The following TBC1D1 variants were observed in gnomAD, a reference collection of about 807,000 sequenced individuals.
TBC1D1 encodes TBC1 (tre-2/USP6, BUB2, cdc16) domain family, member 1.
Under a neutral mutation model 125.6 loss-of-function variants are expected in TBC1D1, and 89 were observed. The ratio of observed to expected loss-of-function variants is 0.71; its 90% CI spans 0.60 to 0.85. TBC1D1 has a LOEUF of 0.85. TBC1D1 is among the 40% of genes least tolerant of loss of function. The pLI, the probability that TBC1D1 is intolerant of heterozygous loss-of-function variation, is 0.00. For synonymous variants in TBC1D1, 565 were observed against 564.1 expected (o/e 1.00, Z -0.02); for missense variants, 1,377 against 1,469.2 (o/e 0.94, Z 1.03).
intron 2 of TBC1D1, among the ~76,000 whole-genome samples, chr4:37,984,919 A>C (rs1404266127): frequency 6.6e-6 from 1 of 152,048 alleles, no homozygotes; most frequent in Non-Finnish European, 1.5e-5. Context: ...ACATCTGTAC[A>C]ACCTATAGGA....
chr4:37,960,835 G>C (rs199864421), intron 2 of TBC1D1: 4 of 1,614,098 alleles, frequency 2.5e-6, no homozygotes, highest in Non-Finnish European at 1.7e-6. Context: ...CCTGAAGAGC[G>C]CCAGATTGCA....
intron 12 of TBC1D1, among the ~76,000 whole-genome samples, chr4:38,071,270 C>T (rs925561386): frequency 6.6e-6 from 1 of 152,116 alleles, no homozygotes; most frequent in African/African-American, 2.4e-5. Context: ...GAAAGAGCCC[C>T]CAAGTGTCCA....
intron 1 of TBC1D1, 69 bp downstream of exon 1, chr4:37,891,417 C>T (rs10008243): frequency 0.086 from 13,044 of 152,388 alleles, 1,538 homozygotes; most frequent in East Asian, 0.45. Flanking sequence ...CGGCCGCCCC[C>T]TCCCGCAGCA....
chr4:37,957,836 C>T (rs572444434), intron 2 of TBC1D1, among the ~76,000 whole-genome samples: 11 of 152,126 alleles, frequency 7.2e-5, no homozygotes, highest in Admixed American at 4.6e-4. Flanking sequence ...CATTTTCCTC[C>T]CTCCCTTCTG....
intron 2 of TBC1D1, among the ~76,000 whole-genome samples, chr4:37,933,454 A>G (rs1024172450): frequency 1.3e-5 from 2 of 151,902 alleles, no homozygotes; most frequent in Non-Finnish European, 2.9e-5. Flanking sequence ...ACACACACAC[A>G]CACACACACA....
intron 2 of TBC1D1, among the ~76,000 whole-genome samples, chr4:37,918,512 A>G (rs1720199319): frequency 6.6e-6 from 1 of 151,750 alleles, no homozygotes; most frequent in African/African-American, 2.4e-5. Context: ...CAGTGGCACA[A>G]TCTCAGCTCA....
intron 2 of TBC1D1, among the ~76,000 whole-genome samples, chr4:38,004,534 T>C (rs1466776593): frequency 5.3e-5 from 8 of 152,226 alleles, no homozygotes; most frequent in African/African-American, 1.9e-4. Context: ...ACTTTCTTTT[T>C]GTACAGTGTT....
chr4:38,057,048 C>G (rs149252649), intron 12 of TBC1D1, among the ~76,000 whole-genome samples: 1 of 152,242 alleles, frequency 6.6e-6, no homozygotes, highest in African/African-American at 2.4e-5. Flanking sequence ...CCTCCTGTTC[C>G]TAGGCCGTAA....
At chr4:38,105,926 A>G (rs892642888) in intron 15 of TBC1D1, among the ~76,000 whole-genome samples, 1 of 151,984 alleles carries the variant, frequency 6.6e-6, no homozygotes, top group Non-Finnish European at 1.5e-5. Flanking sequence ...TTTTGGTAGG[A>G]TGATTTATTT....
At chr4:38,076,103 A>G (rs1755550455) in intron 12 of TBC1D1, among the ~76,000 whole-genome samples, 1 of 152,168 alleles carries the variant, frequency 6.6e-6, no homozygotes, top group Non-Finnish European at 1.5e-5. Context: ...GTAATTTATA[A>G]AGGAAAGAGG....
intron 2 of TBC1D1, among the ~76,000 whole-genome samples, chr4:37,965,275 G>C (rs537445381): frequency 6.6e-6 from 1 of 152,120 alleles, no homozygotes; most frequent in Non-Finnish European, 1.5e-5. Flanking sequence ...TCATACTCTC[G>C]ACCTCATGCG....
intron 2 of TBC1D1, among the ~76,000 whole-genome samples, chr4:37,954,910 G>A (rs1317584673): frequency 1.8e-5 from 2 of 112,560 alleles, no homozygotes; most frequent in East Asian, 2.9e-4. Context: ...TTTTTGAGAC[G>A]GAGTCTCTCT....
At chr4:38,004,622 T>C (rs1023954918) in intron 2 of TBC1D1, among the ~76,000 whole-genome samples, 2 of 152,196 alleles carry the variant, frequency 1.3e-5, no homozygotes, top group African/African-American at 4.8e-5. Context: ...TAGTGAAATA[T>C]GCCCTCGATG....
chr4:38,060,621 AC>A (rs1350457860), intron 12 of TBC1D1: 1 of 1,289,056 alleles, frequency 7.8e-7, no homozygotes, highest in Admixed American at 2.3e-5. Context: ...CTTTTTCAGA[AC>A]CTCACTGTGG....
chr4:37,934,018 A>G (rs1723865283), intron 2 of TBC1D1, among the ~76,000 whole-genome samples: 1 of 152,228 alleles, frequency 6.6e-6, no homozygotes, highest in Admixed American at 6.5e-5. Flanking sequence ...TGTATTGCAT[A>G]TGTTCAGGAT....
At chr4:38,067,169 C>T (rs999523771) in intron 12 of TBC1D1, among the ~76,000 whole-genome samples, 6 of 152,148 alleles carry the variant, frequency 3.9e-5, no homozygotes, top group South Asian at 4.1e-4. Context: ...GCCACGCTCC[C>T]GGCCAAGATT....
intron 2 of TBC1D1, among the ~76,000 whole-genome samples, chr4:37,944,531 A>G (rs750851588): frequency 1.1e-4 from 17 of 152,210 alleles, no homozygotes; most frequent in South Asian, 4.1e-4. Context: ...AGCCTCAGCA[A>G]TGGCAGGCTT....
Position 38,028,164 on chromosome 4 carries a change from G to A in TBC1D1, c.1302+285G>A, listed in dbSNP as rs573241942. ...CAGCAAAAAAAAAAATCTCATAATG[G>A]TTTTTGTTTGTTTGTTTTTTTGACA... On this transcript the variant is annotated intron_variant, in intron 7 of 19. Transcript: ENST00000261439. 1.5e-3 allele frequency among the ~76,000 whole-genome samples: 227 copies of A among 152,118 alleles called. 1 individual carries two copies. The highest frequency in any genetic ancestry group is 4.9e-3 in the African/African-American group (203 of 41,504).
chr4:38,050,821 C>T (rs1332190564), intron 11 of TBC1D1, among the ~76,000 whole-genome samples: 5 of 152,182 alleles, frequency 3.3e-5, no homozygotes, highest in African/African-American at 1.2e-4. Flanking sequence ...CATTAACAGT[C>T]CTGGATGATG....
Sources: allele counts gnomAD v4.1 joint callset (sites outside exome capture counted in the v4.1 genomes callset), GRCh38; gene constraint gnomAD v4.1.1; transcripts MANE v1.5; gene names NCBI Gene and HGNC (gene_info 2026-07-23, HGNC 2026-07-21).